Variants in SAMD12 observed in about 807,000 individuals in gnomAD.
SAMD12 encodes sterile alpha motif domain containing 12.
Under a neutral mutation model 15.0 loss-of-function variants are expected in SAMD12, and 9 were observed. The observed-to-expected ratio is 0.60, with a 90% confidence interval of 0.36 to 1.05. The LOEUF (loss-of-function observed/expected upper bound fraction) is 1.05. Among genes scored for constraint, SAMD12 ranks in the 50% least tolerant of loss-of-function variants. SAMD12 has a pLI of 0.01. For missense variants in SAMD12, 230 were observed against 234.2 expected, an observed-to-expected ratio of 0.98 and a Z score of 0.12; for synonymous variants, 86 against 90.1, an observed-to-expected ratio of 0.96 and a Z score of 0.25.
chr8:118,163,293 T>C, the SAMD12 span, among the ~76,000 whole-genome samples: 1 of 152,236 alleles, frequency 6.6e-6, no homozygotes, highest in East Asian at 1.9e-4. Flanking sequence ...TTGCCCAGTT[T>C]GGTCTCAAAA....
intron 2 of SAMD12, among the ~76,000 whole-genome samples, chr8:118,496,927 C>G (rs1298556447): frequency 6.6e-6 from 1 of 151,660 alleles, no homozygotes; most frequent in East Asian, 1.9e-4. Flanking sequence ...TGAACACACA[C>G]TTCTCAAAAG....
intron 4 of SAMD12, among the ~76,000 whole-genome samples, chr8:118,290,371 A>G (rs755426466): frequency 3.3e-5 from 5 of 152,162 alleles, no homozygotes; most frequent in Admixed American, 6.5e-5. Flanking sequence ...TCTAGCCTTG[A>G]CTGTGCCTTA....
At chr8:118,150,575 C>T in the SAMD12 span, among the ~76,000 whole-genome samples, 15 of 152,128 alleles carry the variant, frequency 9.9e-5, no homozygotes, top group African/African-American at 3.6e-4. Context: ...TGCTATGTTG[C>T]CCAGGCTGGT....
In SAMD12 at chr8:118,424,217, G is replaced by A. The variant is rs569672509; in HGVS notation, c.322+15615C>T. ...CACATAAGTATATGTGTATATCTAC[G>A]CATTTATATAATTCTTTACATACAA... is the stretch of plus-strand genomic sequence containing the variant. On this transcript the variant is annotated intron_variant, in intron 3 of 3. Transcript: ENST00000314727. Among the ~76,000 whole-genome samples, 7 of 152,068 alleles carry A rather than the reference G, an allele frequency of 4.6e-5. 1 individual carries two copies. The East Asian group carries it at 9.6e-4, about 21-fold the overall frequency.
intron 4 of SAMD12, among the ~76,000 whole-genome samples, chr8:118,356,505 C>A (rs949725998): frequency 2.6e-5 from 4 of 152,138 alleles, no homozygotes; most frequent in Admixed American, 1.3e-4. Context: ...GGGAGGGAAG[C>A]ACCCACAGGA....
At chr8:118,502,651 A>T (rs1012509328) in intron 2 of SAMD12, among the ~76,000 whole-genome samples, 3 of 152,242 alleles carry the variant, frequency 2.0e-5, no homozygotes, top group Non-Finnish European at 4.4e-5. Context: ...TGTAAAATTA[A>T]ATTCAAAGCA....
chr8:118,185,684 G>C (rs1420266175), downstream of SAMD12, among the ~76,000 whole-genome samples: 1 of 152,170 alleles, frequency 6.6e-6, no homozygotes, highest in Non-Finnish European at 1.5e-5. Context: ...TTCCAGAAGA[G>C]AATGTTAAAA....
intron 4 of SAMD12, among the ~76,000 whole-genome samples, chr8:118,291,655 T>C (rs1458722607): frequency 6.6e-6 from 1 of 151,934 alleles, no homozygotes; most frequent in African/African-American, 2.4e-5. Context: ...CCTATTATCA[T>C]CTATTATTAT....
chr8:118,382,453 A>C (rs1038888460), intron 3 of SAMD12, among the ~76,000 whole-genome samples: 4 of 152,330 alleles, frequency 2.6e-5, no homozygotes, highest in Middle Eastern at 3.4e-3. Flanking sequence ...AGCCTTTCCA[A>C]AAATGCATCT....
intron 2 of SAMD12, among the ~76,000 whole-genome samples, chr8:118,464,458 A>G (rs1823525852): frequency 6.6e-6 from 1 of 152,224 alleles, no homozygotes; most frequent in Non-Finnish European, 1.5e-5. Flanking sequence ...TATTTCTCAT[A>G]GTCAGGGAAA....
At chr8:118,296,397 C>G (rs552890769) in intron 4 of SAMD12, among the ~76,000 whole-genome samples, 1 of 152,222 alleles carries the variant, frequency 6.6e-6, no homozygotes, top group African/African-American at 2.4e-5. Flanking sequence ...GAAAAGGAAG[C>G]CTTTCTTGAT....
intron 2 of SAMD12, among the ~76,000 whole-genome samples, chr8:118,517,731 C>T (rs1303632586): frequency 2.6e-5 from 4 of 152,162 alleles, no homozygotes; most frequent in Non-Finnish European, 2.9e-5. Context: ...GAGATTATTA[C>T]AAGATCGACC....
At chr8:118,369,825 A>G (rs1384916096) in intron 4 of SAMD12, among the ~76,000 whole-genome samples, 1 of 152,220 alleles carries the variant, frequency 6.6e-6, no homozygotes, top group Non-Finnish European at 1.5e-5. Context: ...ACTGTAGAAG[A>G]AAATCTAGGC....
At chr8:118,258,919 G>A (rs1385290104) in intron 4 of SAMD12, among the ~76,000 whole-genome samples, 1 of 152,044 alleles carries the variant, frequency 6.6e-6, no homozygotes, top group African/African-American at 2.4e-5. Flanking sequence ...CATCTGCCAG[G>A]CCCCTGCACA....
chr8:118,360,695 C>T (rs936389419), intron 4 of SAMD12, among the ~76,000 whole-genome samples: 3 of 152,204 alleles, frequency 2.0e-5, no homozygotes, highest in Admixed American at 6.5e-5. Context: ...AAGGAGTTCA[C>T]ATTTATGGTT....
Position 118,577,958 on chromosome 8 carries a change from C to A in SAMD12, c.192+2757G>T, listed in dbSNP as rs554764521. 1.2e-3 allele frequency among the ~76,000 whole-genome samples: 179 copies of A among 152,196 alleles called. No homozygotes were observed. The Middle Eastern group carries it at 0.041, about 35-fold the overall frequency. On this transcript the variant is annotated intron_variant, in intron 2 of 3. Coordinates refer to ENST00000314727, the MANE Select transcript of SAMD12 (RefSeq NM_207506.3). Reference sequence around the variant, plus strand: ...TAAAATAAATACACTTAAAAGAATACATATCTTATTTAAAATTCAAGCAAA... The same window carrying A: ...TAAAATAAATACACTTAAAAGAATAAATATCTTATTTAAAATTCAAGCAAA...
intron 4 of SAMD12, among the ~76,000 whole-genome samples, chr8:118,291,509 A>G (rs1385119537): frequency 1.3e-5 from 2 of 152,108 alleles, no homozygotes; most frequent in Non-Finnish European, 2.9e-5. Flanking sequence ...AATTCCCCTT[A>G]TGGTCTAATT....
rs189694990 is a variant in SAMD12 at position 118,610,678 on chromosome 8, C to T, written c.13+11126G>A. 2.5e-3 allele frequency among the ~76,000 whole-genome samples: 382 copies of T among 152,246 alleles called. 3 individuals carry two copies. The highest frequency in any genetic ancestry group is 1.8e-3 in the Non-Finnish European group (125 of 68,032). Reference sequence around the variant, plus strand: ...TCGAGTGCCTTCTACAAGCCAGATACGGTTGTAGGCACTGCTGATAGATTA... The same window carrying T: ...TCGAGTGCCTTCTACAAGCCAGATATGGTTGTAGGCACTGCTGATAGATTA... On this transcript the variant is annotated intron_variant, in intron 1 of 3. Coordinates refer to ENST00000314727, the MANE Select transcript of SAMD12 (RefSeq NM_207506.3).
chr8:118,196,924 C>G (rs1289918897), exon 5 of SAMD12: 3 of 152,074 alleles, frequency 2.0e-5, no homozygotes, highest in African/African-American at 7.2e-5. Context: ...CATCACTGGA[C>G]CCCCTTCTTC....
Sources: allele counts gnomAD v4.1 joint callset (sites outside exome capture counted in the v4.1 genomes callset), GRCh38; gene constraint gnomAD v4.1.1; transcripts MANE v1.5; gene names NCBI Gene and HGNC (gene_info 2026-07-23, HGNC 2026-07-21).